The following TNIP3 variants were observed in gnomAD, a reference collection of about 807,000 sequenced individuals.
TNIP3 encodes TNFAIP3-interacting protein 3.
A neutral mutation model predicts 54.1 loss-of-function variants in TNIP3; 34 were observed. The observed-to-expected ratio is 0.63, with a 90% CI of 0.48 to 0.84. The LOEUF is 0.84. Among genes scored for constraint, TNIP3 ranks in the 40% least tolerant of loss-of-function variants. The pLI is 0.00. For synonymous variants in TNIP3, 134 were observed against 136.8 expected (o/e 0.98, Z 0.14); for missense variants, 366 against 387.6 (o/e 0.94, Z 0.47).
At chr4:121,172,741 G>A (rs1028395714) in intron 3 of TNIP3, among the ~76,000 whole-genome samples, 2 of 152,138 alleles carry the variant, frequency 1.3e-5, no homozygotes, top group Admixed American at 6.5e-5. Context: ...ATTATGTGTA[G>A]GGACAGGGGA....
upstream of TNIP3, chr4:121,227,480 A>G: frequency 8.8e-7 from 1 of 1,135,740 alleles, no homozygotes; most frequent in Non-Finnish European, 1.3e-6. Flanking sequence ...ATCAAACAGT[A>G]ACTAAGTGGT....
intron 2 of TNIP3, among the ~76,000 whole-genome samples, chr4:121,212,561 T>G (rs1726529761): frequency 6.6e-6 from 1 of 152,224 alleles, no homozygotes; most frequent in Non-Finnish European, 1.5e-5. Flanking sequence ...AAAATTATGA[T>G]TGGTCTATGA....
At chr4:121,168,255 G>A (rs1057143063), upstream of TNIP3, among the ~76,000 whole-genome samples, 1 of 151,578 alleles carries the variant, frequency 6.6e-6, no homozygotes, top group South Asian at 2.1e-4. Context: ...CACCCAGGCT[G>A]GAGTGCAGTG....
In TNIP3 at chr4:121,149,114, T is replaced by C. The variant is rs1315908951; in HGVS notation, c.609+989A>G. Among the ~76,000 whole-genome samples, 3 of 152,156 alleles carry C rather than the reference T, an allele frequency of 2.0e-5. No individual in the cohort carries two copies. In the East Asian group the frequency reaches 5.8e-4, roughly 29 times the overall value. On this transcript the variant is annotated intron_variant, in intron 6 of 10. Coordinates refer to ENST00000057513, the MANE Select transcript of TNIP3 (RefSeq NM_024873.6). ...GCTAAGTGAATTTCAGCAGATTGAT[T>C]AAATTTAGACACAGGTAGTTTAACC...
chr4:121,137,465 G>C (rs890915488), intron 10 of TNIP3: 8 of 152,362 alleles, frequency 5.3e-5, no homozygotes, highest in African/African-American at 1.7e-4. Flanking sequence ...TAAATACCTG[G>C]ATATTTTATT....
At chr4:121,226,562 TAAG>T (rs1322662895) in intron 1 of TNIP3, among the ~76,000 whole-genome samples, 3 of 152,214 alleles carry the variant, frequency 2.0e-5, no homozygotes, top group Non-Finnish European at 4.4e-5. Context: ...TCGAGATTCC[TAAG>T]AAGAACAAAG....
intron 2 of TNIP3, among the ~76,000 whole-genome samples, chr4:121,210,664 G>A (rs1726432810): frequency 6.6e-6 from 1 of 152,134 alleles, no homozygotes; most frequent in Admixed American, 6.6e-5. Flanking sequence ...TCTTTTCAAG[G>A]CTTGCAGTGT....
chr4:121,193,396 A>G (rs1454032910), intron 2 of TNIP3, among the ~76,000 whole-genome samples: 1 of 152,200 alleles, frequency 6.6e-6, no homozygotes, highest in Non-Finnish European at 1.5e-5. Context: ...TAATAAGAAT[A>G]CATTAGAATT....
At chr4:121,221,371 A>G (rs1727017395), upstream of TNIP3, among the ~76,000 whole-genome samples, 1 of 152,206 alleles carries the variant, frequency 6.6e-6, no homozygotes, top group Admixed American at 6.5e-5. Flanking sequence ...CTTAGCCTAG[A>G]AACAGGAACA....
chr4:121,217,219 A>G (rs1726835046), upstream of TNIP3, among the ~76,000 whole-genome samples: 1 of 152,180 alleles, frequency 6.6e-6, no homozygotes. Context: ...TTAAAAGCCA[A>G]TTCCTGCAGG....
chr4:121,195,268 A>G (rs1473936744), intron 2 of TNIP3, among the ~76,000 whole-genome samples: 1 of 152,368 alleles, frequency 6.6e-6, no homozygotes, highest in Non-Finnish European at 1.5e-5. Flanking sequence ...CTATATGCTC[A>G]TAATTTCAGA....
rs1042679980 is a variant in TNIP3 at position 121,161,032 on chromosome 4, A to T, written c.147+104T>A. 3.9e-5 allele frequency: 35 copies of T among 903,324 alleles called. No individual in the cohort carries two copies. The African/African-American group carries it at 5.8e-4, about 15-fold the overall frequency. 56.0% of individuals were successfully genotyped at this position (903,324 alleles called of 1,614,324 possible). A position where few individuals can be genotyped will look rare whatever the true frequency, so the allele number is the denominator to read the frequency against. The stretch of plus-strand genomic sequence containing the variant: ...GCAGTCCAGTATCTTAAAGATAAAT[A>T]CTGTGACCTGATAACAAAAATAAAA... On this transcript the variant is annotated intron_variant, in intron 2 of 10. Transcript: ENST00000057513.
intron 2 of TNIP3, among the ~76,000 whole-genome samples, chr4:121,184,459 A>T (rs1724896140): frequency 1.3e-5 from 2 of 152,214 alleles, no homozygotes; most frequent in Non-Finnish European, 2.9e-5. Flanking sequence ...CAGTTTGGCC[A>T]GTGGGATTCT....
intron 8 of TNIP3, 109 bp downstream of exon 8, chr4:121,142,617 T>G: frequency 2.1e-6 from 2 of 957,742 alleles, no homozygotes; most frequent in South Asian, 1.5e-5. Flanking sequence ...ATGAAAAGCA[T>G]GGGTTGTTGT....
chr4:121,171,389 C>A (rs1445493438), intron 3 of TNIP3, among the ~76,000 whole-genome samples: 1 of 152,020 alleles, frequency 6.6e-6, no homozygotes, highest in Non-Finnish European at 1.5e-5. Context: ...AGATGGTGAA[C>A]AAGTAGAGTA....
At chr4:121,210,345 A>G (rs1244477712) in intron 2 of TNIP3, among the ~76,000 whole-genome samples, 1 of 152,220 alleles carries the variant, frequency 6.6e-6, no homozygotes, top group Non-Finnish European at 1.5e-5. Flanking sequence ...CTTGAATAAC[A>G]GAAGTATTGG....
chr4:121,158,161 A>G (rs1270531100), intron 3 of TNIP3, among the ~76,000 whole-genome samples: 1 of 152,224 alleles, frequency 6.6e-6, no homozygotes, highest in Non-Finnish European at 1.5e-5. Context: ...TTCTTCCAAA[A>G]GCCCCTTTCT....
At chr4:121,140,119 A>G (rs924641899) in intron 9 of TNIP3, among the ~76,000 whole-genome samples, 1 of 152,010 alleles carries the variant, frequency 6.6e-6, no homozygotes, top group South Asian at 2.1e-4. Flanking sequence ...GCGGATCATG[A>G]GGTCAGGAGT....
At chr4:121,173,339 T>C (rs36087391) in intron 3 of TNIP3, among the ~76,000 whole-genome samples, 35,866 of 152,100 alleles carry the variant, frequency 0.24, 4,408 homozygotes, top group Middle Eastern at 0.29. Flanking sequence ...ATTCCCACCA[T>C]GGCATGCCTA....
Sources: gnomAD v4.1 joint callset for allele counts (sites outside exome capture counted in the v4.1 genomes callset) on GRCh38, gnomAD v4.1.1 for gene constraint, MANE v1.5 for transcripts, NCBI Gene and HGNC (gene_info 2026-07-23, HGNC 2026-07-21) for gene names.